Variants in USP37 observed in about 807,000 individuals in gnomAD.
The protein encoded by USP37 is ubiquitin specific peptidase 37.
USP37 carries 27 observed loss-of-function variants against 124.0 expected under a neutral mutation model. The observed-to-expected ratio is 0.22, with a 90% CI of 0.16 to 0.30. The LOEUF (loss-of-function observed/expected upper bound fraction) is 0.30. Ranked by LOEUF, USP37 falls within the 10% of genes least tolerant of loss-of-function variation. The pLI is 1.00. For synonymous variants in USP37, 365 were observed against 388.0 expected, an observed-to-expected ratio of 0.94 and a Z score of 0.70; for missense variants, 889 against 1,140.4, an observed-to-expected ratio of 0.78 and a Z score of 3.17.
At position 218,488,266 on chromosome 2, in the gene USP37, A is replaced by G. The variant is rs371310251; in HGVS notation, c.1590+38T>C. ...TTCAAATACAACTATCAATGATATA[A>G]AATTTAGTTATGTGAAAATACAAAA... On this transcript the variant is annotated intron_variant, in intron 15 of 25. Coordinates refer to ENST00000258399, the MANE Select transcript of USP37 (RefSeq NM_020935.3). The G allele has an allele frequency of 9.7e-5, 131 of 1,352,274 alleles. No homozygotes were observed. The African/African-American group carries it at 1.8e-3, about 18-fold the overall frequency. 83.8% of individuals were successfully genotyped at this position (1,352,274 alleles called of 1,614,324 possible). A position where few individuals can be genotyped will look rare whatever the true frequency, so the allele number is the denominator to read the frequency against.
intron 10 of USP37, among the ~76,000 whole-genome samples, chr2:218,512,250 T>C (rs1690041090): frequency 6.6e-6 from 1 of 152,166 alleles, no homozygotes; most frequent in Non-Finnish European, 1.5e-5. Context: ...CTCACACCTG[T>C]AATCCCAGCA....
chr2:218,531,237 G>A (rs1242370091), intron 9 of USP37, among the ~76,000 whole-genome samples: 1 of 152,180 alleles, frequency 6.6e-6, no homozygotes, highest in African/African-American at 2.4e-5. Context: ...ATGTGGCTGA[G>A]GACTTGAAGC....
chr2:218,474,544 C>T, intron 20 of USP37, 86 bp downstream of exon 20: 4 of 1,539,718 alleles, frequency 2.6e-6, no homozygotes, highest in Non-Finnish European at 3.5e-6. Context: ...CTATTTATCT[C>T]CCGTTATTTG....
intron 1 of USP37, among the ~76,000 whole-genome samples, chr2:218,565,219 G>C (rs1693527064): frequency 6.6e-6 from 1 of 152,144 alleles, no homozygotes; most frequent in Non-Finnish European, 1.5e-5. Flanking sequence ...CAATGCAGCT[G>C]GCCATATATT....
At chr2:218,477,689 T>C (rs1021367242) in intron 18 of USP37, among the ~76,000 whole-genome samples, 1 of 152,200 alleles carries the variant, frequency 6.6e-6, no homozygotes, top group Non-Finnish European at 1.5e-5. Flanking sequence ...GGCAATATCA[T>C]ATTGAAACAC....
intron 7 of USP37, 86 bp from the exon 8 acceptor site, chr2:218,546,384 A>C: frequency 1.2e-6 from 1 of 856,900 alleles, no homozygotes; most frequent in Non-Finnish European, 1.9e-6. Flanking sequence ...AAGGACAGGA[A>C]ATGGGACTAC....
rs1689595251 is a variant in USP37 at position 218,454,645 on chromosome 2, T to C, written c.*285A>G. ...GTGTGTGTGTGTCTGTGTGTGTGTA[T>C]ACACACATACACAGATATATATTTA... On this transcript the variant is annotated 3_prime_UTR_variant, in exon 26 of 26. Coordinates refer to ENST00000258399, the MANE Select transcript of USP37 (RefSeq NM_020935.3). 1 of 355,696 alleles carries C rather than the reference T, an allele frequency of 2.8e-6. No homozygotes were observed. The highest frequency in any genetic ancestry group is 4.0e-5 in the South Asian group (1 of 24,898). 22.0% of individuals were successfully genotyped at this position (355,696 alleles called of 1,614,324 possible). A position where few individuals can be genotyped will look rare whatever the true frequency, so the allele number is the denominator to read the frequency against.
intron 10 of USP37, among the ~76,000 whole-genome samples, chr2:218,510,626 C>T (rs911350448): frequency 3.3e-5 from 5 of 152,150 alleles, no homozygotes; most frequent in Non-Finnish European, 7.4e-5. Flanking sequence ...TCCAAAAAGG[C>T]TATACCAGTT....
At chr2:218,476,297 G>A (rs961995702) in intron 19 of USP37, among the ~76,000 whole-genome samples, 7 of 152,174 alleles carry the variant, frequency 4.6e-5, no homozygotes, top group African/African-American at 1.4e-4. Flanking sequence ...CTACAGGCTG[G>A]GAGTAGTGGC....
intron 11 of USP37, chr2:218,500,900 T>A (rs1689342361): frequency 6.1e-6 from 1 of 164,918 alleles, no homozygotes; most frequent in Non-Finnish European, 1.5e-5. Context: ...CCTCTTTGAC[T>A]GAGCACGCAG....
chr2:218,526,223 T>G (rs900383559), intron 10 of USP37, among the ~76,000 whole-genome samples: 1 of 152,122 alleles, frequency 6.6e-6, no homozygotes, highest in East Asian at 1.9e-4. Context: ...ATTGCTGGGT[T>G]GAATGGTTAT....
At chr2:218,530,106 TA>T (rs1691237119) in intron 9 of USP37, 66 bp from the exon 10 acceptor site, 1 of 1,272,974 alleles carries the variant, frequency 7.9e-7, no homozygotes, top group African/African-American at 1.5e-5. Flanking sequence ...CATTTAATAA[TA>T]AAAGTATACA....
At chr2:218,539,306 T>G (rs960693216) in intron 8 of USP37, among the ~76,000 whole-genome samples, 1 of 152,192 alleles carries the variant, frequency 6.6e-6, no homozygotes, top group African/African-American at 2.4e-5. Context: ...GTGGCTGCAC[T>G]TTTGCAGTTT....
chr2:218,553,387 T>G (rs1692774519), intron 5 of USP37, among the ~76,000 whole-genome samples, 166 bp downstream of exon 5: 1 of 152,258 alleles, frequency 6.6e-6, no homozygotes, highest in Non-Finnish European at 1.5e-5. Context: ...TTACACAGAT[T>G]GATTTTCATA....
chr2:218,557,930 C>CAAAAAAAA (rs61488353), intron 4 of USP37, among the ~76,000 whole-genome samples: 718 of 35,636 alleles, frequency 0.02, 53 homozygotes, highest in African/African-American at 0.058. Flanking sequence ...GACTCTGTCT[C>CAAAAAAAA]AAAAAAAAAA....
intron 23 of USP37, among the ~76,000 whole-genome samples, chr2:218,457,948 G>A (rs1034559942): frequency 6.0e-5 from 9 of 151,260 alleles, no homozygotes; most frequent in African/African-American, 1.9e-4. Context: ...GCTGAGGCAG[G>A]AGAATGGCAT....
intron 11 of USP37, chr2:218,498,518 A>ACTGAG: frequency 6.4e-6 from 1 of 156,016 alleles, no homozygotes; most frequent in Non-Finnish European, 1.4e-5. Context: ...ACTTGAGGTC[A>ACTGAG]GTAGTTTGAG....
chr2:218,556,512 T>G (rs867531257), intron 4 of USP37, among the ~76,000 whole-genome samples: 4,797 of 131,404 alleles, frequency 0.037, 325 homozygotes, highest in African/African-American at 0.13. Flanking sequence ...TGTTTTTTTT[T>G]TTTTTTTTTT....
chr2:218,495,549 G>A (rs749408859), intron 14 of USP37, among the ~76,000 whole-genome samples: 2 of 152,130 alleles, frequency 1.3e-5, no homozygotes, highest in Non-Finnish European at 2.9e-5. Context: ...TTCATTACTC[G>A]GGAGGCTGAG....
Sources: allele counts gnomAD v4.1 joint callset (sites outside exome capture counted in the v4.1 genomes callset), GRCh38; gene constraint gnomAD v4.1.1; transcripts MANE v1.5; gene names NCBI Gene and HGNC (gene_info 2026-07-23, HGNC 2026-07-21).